AIPL1: variants seen among roughly 807,000 people sequenced by gnomAD.
The protein encoded by AIPL1 is aryl-hydrocarbon-interacting protein-like 1.
Under a neutral mutation model 32.9 loss-of-function variants are expected in AIPL1, and 23 were observed. That is an observed-to-expected ratio of 0.70 (90% CI 0.50 to 0.99). The LOEUF is 0.99. Among genes scored for constraint, AIPL1 ranks in the 50% least tolerant of loss-of-function variants. The pLI is 0.00. For missense variants in AIPL1, 485 were observed against 506.0 expected (o/e 0.96, Z 0.40); for synonymous variants, 210 against 209.4 (o/e 1.00, Z -0.02).
chr17:6,430,044 GGTGTGTGTGTGTGTGTGT>G (rs34593943), intron 2 of AIPL1, among the ~76,000 whole-genome samples: 31 of 144,914 alleles, frequency 2.1e-4, no homozygotes, highest in Admixed American at 8.9e-4. Context: ...CTCTAGAAGG[GGTGTGTGTGTGTGTGTGT>G]GTGTGTGTGT....
chr17:6,426,375 G>T, intron 5 of AIPL1: 1 of 1,421,092 alleles, frequency 7.0e-7, no homozygotes, highest in Non-Finnish European at 9.2e-7. Context: ...GAAATCACAA[G>T]CTTGGCGAGC....
intron 2 of AIPL1, 22 bp from the exon 3 acceptor site, chr17:6,428,528 T>C: frequency 6.2e-7 from 1 of 1,610,660 alleles, no homozygotes; most frequent in Non-Finnish European, 8.5e-7. Context: ...AACGGATGGA[T>C]GGCATCCAGG....
At chr17:6,434,353 G>GCTTTTTTT (rs1555547872) in intron 1 of AIPL1, among the ~76,000 whole-genome samples, 1 of 91,404 alleles carries the variant, frequency 1.1e-5, no homozygotes, top group African/African-American at 4.1e-5. Flanking sequence ...GTAAGCCCGA[G>GCTTTTTTT]TTCTTTTTTT....
chr17:6,432,212 G>C (rs577345857), intron 2 of AIPL1, among the ~76,000 whole-genome samples: 12 of 152,048 alleles, frequency 7.9e-5, no homozygotes, highest in African/African-American at 2.2e-4. Flanking sequence ...GTGAAACCCT[G>C]TCTGTACTAA....
chr17:6,434,945 G>A, intron 1 of AIPL1, 64 bp downstream of exon 1: 1 of 1,610,982 alleles, frequency 6.2e-7, no homozygotes, highest in Non-Finnish European at 8.5e-7. Flanking sequence ...GTGCCTTGGG[G>A]CACACCTGGA....
rs907939 is a variant in AIPL1 at position 6,424,069 on chromosome 17, G to A, written c.*1391C>T. The A allele has an allele frequency of 0.11, 17,088 of 152,290 alleles. 1,072 individuals carry two copies. The highest frequency in any genetic ancestry group is 0.15 in the African/African-American group (6,035 of 41,522). The allele number at this position is 152,290 out of a possible 1,614,324, so 9.4% of individuals were successfully genotyped here. On this transcript the variant is annotated 3_prime_UTR_variant, in exon 6 of 6. Transcript: ENST00000381129. ...GGCGTGATAGCCCCTCCTCGTACCC[G>A]TCCTTTAGGGAGGACGAAGAGGAGG...
rs369625399 is a variant in AIPL1 at position 6,426,870 on chromosome 17, C to G, written c.642+11G>C. On this transcript the variant is annotated intron_variant, in intron 4 of 5. Coordinates refer to ENST00000381129, the MANE Select transcript of AIPL1 (RefSeq NM_014336.5). ...AGCGCCACTTCCCACCCCTGGCCAG[C>G]GGCCTCTGACCTTGGTCTGCAGGTT... The G allele has an allele frequency of 6.2e-7, 1 of 1,613,856 alleles. No individual in the cohort carries two copies. Among genetic ancestry groups the G allele is most frequent in the Non-Finnish European group, 8.5e-7 (1 of 1,180,046 alleles).
rs1280741377 is a variant in AIPL1, at chr17:6,425,836, G to A, written c.785-6C>T. 3.7e-6 allele frequency: 6 copies of A among 1,601,314 alleles called. No homozygotes were observed. Among genetic ancestry groups the A allele is most frequent in the African/African-American group, 1.3e-5 (1 of 74,834 alleles). ...GTAGTAGGCCTTCACGATGCCTGTGGGGAGCAGGGAGCATCCAGCTACAGC... is the reference window on the plus strand; with the variant it reads ...GTAGTAGGCCTTCACGATGCCTGTGAGGAGCAGGGAGCATCCAGCTACAGC... On this transcript the variant is annotated splice_polypyrimidine_tract_variant and splice_region_variant and intron_variant, in intron 5 of 5. Transcript: ENST00000381129.
intron 2 of AIPL1, among the ~76,000 whole-genome samples, chr17:6,429,848 A>C (rs1002073318): frequency 1.3e-5 from 2 of 151,808 alleles, no homozygotes; most frequent in African/African-American, 2.4e-5. Context: ...AGATAGATAG[A>C]TAGATAGATA....
At chr17:6,426,544 G>T (rs1244542094) in intron 5 of AIPL1, 71 bp downstream of exon 5, 1 of 1,568,054 alleles carries the variant, frequency 6.4e-7, no homozygotes, top group African/African-American at 1.3e-5. Flanking sequence ...AGTCCAGGAA[G>T]GCTATGGCAG....
In AIPL1 at chr17:6,433,948, C is replaced by A; in HGVS notation, c.247G>T (p.Glu83Ter). The change falls in exon 2 of 6, where the codon GAG (glutamate) becomes TAG (stop). Residue 83 changes from glutamate (E) to a stop codon, truncating the protein, a stop_gained. Transcript: ENST00000381129. LOFTEE classifies it high-confidence loss of function. The part of the protein sequence containing the change: ...EILLTSMRVH[E>*]VAEFWCDTIH... ...GTGTCGCACCAGAACTCGGCCACCT[C>A]GTGCACCCGCATGGAGGTAAGCAGG... The A allele has an allele frequency of 6.2e-7, 1 of 1,612,258 alleles. No homozygotes were observed. Among genetic ancestry groups the A allele is most frequent in the Non-Finnish European group, 8.5e-7 (1 of 1,179,746 alleles).
At chr17:6,434,533 G>C (rs1912980983) in intron 1 of AIPL1, among the ~76,000 whole-genome samples, 2 of 151,852 alleles carry the variant, frequency 1.3e-5, no homozygotes, top group Non-Finnish European at 2.9e-5. Context: ...GCTAATTTTT[G>C]TATTTTCAGT....
chr17:6,433,586 A>C (rs866183707), intron 2 of AIPL1, among the ~76,000 whole-genome samples: 954 of 65,672 alleles, frequency 0.015, 36 homozygotes, highest in African/African-American at 0.053. Context: ...GCGAGACCCT[A>C]TCTCTCTCTC....
intron 2 of AIPL1, among the ~76,000 whole-genome samples, chr17:6,431,542 G>A (rs1369478836): frequency 1.3e-5 from 2 of 152,036 alleles, no homozygotes; most frequent in African/African-American, 2.4e-5. Context: ...GTTATATCAT[G>A]TAATCTCCAA....
chr17:6,428,927 G>A (rs1032850827), intron 2 of AIPL1, among the ~76,000 whole-genome samples: 11 of 152,170 alleles, frequency 7.2e-5, no homozygotes, highest in African/African-American at 9.7e-5. Flanking sequence ...CCTATGACTC[G>A]CAGGAAGGGC....
rs5819114 is a variant in AIPL1 at position 6,427,810 on chromosome 17, C to CT, written c.465+507dup. ...TTTTTAAAAACTGGTTCCAAGTGGA[C>CT]TTTTTTTTTTTTTCTTTTTTTTGGA... On this transcript the variant is annotated intron_variant, in intron 3 of 5. Coordinates refer to ENST00000381129, the MANE Select transcript of AIPL1 (RefSeq NM_014336.5). Among the ~76,000 whole-genome samples the CT allele has an allele frequency of 4.1e-3, 588 of 144,762 alleles. 3 individuals carry two copies. Among genetic ancestry groups the CT allele is most frequent in the Non-Finnish European group, 5.9e-3 (393 of 66,634 alleles). 95.0% of individuals were successfully genotyped at this position (144,762 alleles called of 152,430 possible).
chr17:6,430,047 GTGTGTGTGTGTGT>G (rs1912425569), intron 2 of AIPL1, among the ~76,000 whole-genome samples: 1 of 11,326 alleles, frequency 8.8e-5, no homozygotes, highest in African/African-American at 2.1e-4. Flanking sequence ...TAGAAGGGGT[GTGTGTGTGTGTGT>G]GTGTGTGTGT....
At position 6,425,550 on chromosome 17, in the gene AIPL1, G is replaced by T; in HGVS notation, c.1065C>A (p.Pro355=). The T allele has an allele frequency of 6.2e-7, 1 of 1,613,036 alleles. No individual in the cohort carries two copies. ...CGGACAGCTCTGCAGATGGTGCTGT[G>T]GGTGGCTCTGCAGGTGGCTCTGTGG... The part of the protein sequence containing the change: ...QSSTEPPAEP[P]TAPSAELSAG... Residue 355 remains proline (P), a synonymous_variant, in exon 6 of 6, where the codon CCC becomes CCA. Coordinates refer to ENST00000381129, the MANE Select transcript of AIPL1 (RefSeq NM_014336.5).
chr17:6,425,931 C>T (rs1006320484), intron 5 of AIPL1, 101 bp from the exon 6 acceptor site: 15 of 1,463,128 alleles, frequency 1.0e-5, no homozygotes, highest in Middle Eastern at 2.1e-4. Context: ...CTCAGCCCCG[C>T]CATGATCCTT....
Sources: allele counts gnomAD v4.1 joint callset (sites outside exome capture counted in the v4.1 genomes callset), GRCh38; gene constraint gnomAD v4.1.1; transcripts MANE v1.5; gene names NCBI Gene and HGNC (gene_info 2026-07-23, HGNC 2026-07-21).